BAIAP2L1: variants seen among roughly 807,000 people sequenced by gnomAD.
BAIAP2L1 encodes BAR/IMD domain containing adaptor protein 2 like 1.
A neutral mutation model predicts 66.3 loss-of-function variants in BAIAP2L1; 35 were observed. That is an observed-to-expected ratio of 0.53 (90% CI 0.40 to 0.70). BAIAP2L1 has a LOEUF of 0.70. BAIAP2L1 is among the 30% of genes least tolerant of loss of function. The probability of loss-of-function intolerance (pLI) is 0.00; values close to 1 mark genes in which losing one functional copy is unlikely to be tolerated. For missense variants in BAIAP2L1, 622 were observed against 656.9 expected, an observed-to-expected ratio of 0.95 and a Z score of 0.58; for synonymous variants, 269 against 248.7, an observed-to-expected ratio of 1.08 and a Z score of -0.77.
At chr7:98,313,871 C>A (rs1473974049) in intron 7 of BAIAP2L1, among the ~76,000 whole-genome samples, 1 of 151,032 alleles carries the variant, frequency 6.6e-6, no homozygotes, top group African/African-American at 2.4e-5. Flanking sequence ...CTCAAGTGAT[C>A]CTCCTGCCTT....
rs201588264 is a variant in BAIAP2L1 at position 98,315,621 on chromosome 7, A to ATAAT, written c.487-10_487-9insATTA. ...GTAACGGTCTCCACATACTAAAAAA[A>ATAAT]AAAAAATAATAATAATAATAATTAT... On this transcript the variant is annotated splice_polypyrimidine_tract_variant and intron_variant, in intron 6 of 13. Transcript: ENST00000005260. 1 of 1,235,866 alleles carries ATAAT rather than the reference A, an allele frequency of 8.1e-7. No individual in the cohort carries two copies. The highest frequency in any genetic ancestry group is 1.1e-6 in the Non-Finnish European group (1 of 945,916). The allele number at this position is 1,235,866 out of a possible 1,614,324, so 76.6% of individuals were successfully genotyped here.
At chr7:98,293,848 G>A (rs1394341690) in intron 13 of BAIAP2L1, among the ~76,000 whole-genome samples, 2 of 152,220 alleles carry the variant, frequency 1.3e-5, no homozygotes, top group Non-Finnish European at 2.9e-5. Context: ...CTTTAGTCCT[G>A]CATTGTGTGT....
At chr7:98,318,699 C>T (rs1801153707) in intron 5 of BAIAP2L1, among the ~76,000 whole-genome samples, 2 of 151,298 alleles carry the variant, frequency 1.3e-5, no homozygotes, top group South Asian at 4.3e-4. Flanking sequence ...AATCCCAGCA[C>T]TTTAGGAGGC....
Position 98,400,824 on chromosome 7 carries a change from C to T in BAIAP2L1, c.29G>A (p.Arg10Gln). ...TACCCGGTAGGTGCTCTCCGTGAGCCGGTTCACCTCCTCGGGCCCCCGGGA... is the reference window on the plus strand; with the variant it reads ...TACCCGGTAGGTGCTCTCCGTGAGCTGGTTCACCTCCTCGGGCCCCCGGGA... MSRGPEEVN[R>Q]LTESTYRNVM... The change falls in exon 1 of 14, where the codon CGG (arginine) becomes CAG (glutamine). Residue 10 changes from arginine to glutamine, a missense_variant. Physicochemically the swap from Arg to Gln is conservative, Grantham distance 43. Coordinates refer to ENST00000005260, the MANE Select transcript of BAIAP2L1 (RefSeq NM_018842.5). 1.3e-6 allele frequency: 2 copies of T among 1,547,426 alleles called. No individual in the cohort carries two copies. The highest frequency in any genetic ancestry group is 1.7e-6 in the Non-Finnish European group (2 of 1,145,478).
At chr7:98,312,764 G>A (rs998886008) in intron 7 of BAIAP2L1, among the ~76,000 whole-genome samples, 1 of 152,202 alleles carries the variant, frequency 6.6e-6, no homozygotes, top group Admixed American at 6.5e-5. Flanking sequence ...GGGACTGGGT[G>A]AGTGGTGGGC....
At chr7:98,350,112 G>C (rs1414528091) in intron 3 of BAIAP2L1, among the ~76,000 whole-genome samples, 1 of 149,684 alleles carries the variant, frequency 6.7e-6, no homozygotes, top group East Asian at 1.9e-4. Flanking sequence ...CCTCAAAAAG[G>C]GGGGAAAAAA....
intron 5 of BAIAP2L1, among the ~76,000 whole-genome samples, chr7:98,319,159 G>GTGGTGT (rs776695236): frequency 7.9e-5 from 12 of 152,132 alleles, no homozygotes; most frequent in Non-Finnish European, 1.8e-4. Context: ...ACTGCCACAT[G>GTGGTGT]GGGGTCTGGG....
intron 5 of BAIAP2L1, 26 bp from the exon 6 acceptor site, chr7:98,317,382 T>C: frequency 6.2e-7 from 1 of 1,610,938 alleles, no homozygotes; most frequent in Non-Finnish European, 8.5e-7. Context: ...CTGTGCTTAT[T>C]TTACTGTGGC....
intron 9 of BAIAP2L1, chr7:98,308,877 C>T (rs1302112341): frequency 6.5e-6 from 1 of 152,858 alleles, no homozygotes; most frequent in Non-Finnish European, 1.5e-5. Context: ...CAGTGTCTCG[C>T]TATGTTGCCC....
At chr7:98,357,041 ATATATATATT>A (rs1403532336) in intron 2 of BAIAP2L1, among the ~76,000 whole-genome samples, 1 of 17,616 alleles carries the variant, frequency 5.7e-5, no homozygotes, top group African/African-American at 2.1e-4. Flanking sequence ...ATATATATAT[ATATATATATT>A]TTTTTTTTTT....
At chr7:98,392,009 ATG>A (rs1412216192) in intron 1 of BAIAP2L1, among the ~76,000 whole-genome samples, 1 of 151,872 alleles carries the variant, frequency 6.6e-6, no homozygotes, top group Non-Finnish European at 1.5e-5. Flanking sequence ...CATCCCTTCT[ATG>A]TGTTATTAAA....
At chr7:98,377,502 A>C (rs1802660905) in intron 1 of BAIAP2L1, among the ~76,000 whole-genome samples, 1 of 152,162 alleles carries the variant, frequency 6.6e-6, no homozygotes, top group African/African-American at 2.4e-5. Flanking sequence ...TTTGATAGGC[A>C]AACAATAGTA....
intron 3 of BAIAP2L1, among the ~76,000 whole-genome samples, chr7:98,339,662 C>T (rs367954590): frequency 3.9e-5 from 6 of 152,198 alleles, no homozygotes; most frequent in East Asian, 1.9e-4. Context: ...CAGCCTGTCA[C>T]GGGAGCTACG....
At chr7:98,353,194 T>A (rs1481839411) in intron 3 of BAIAP2L1, among the ~76,000 whole-genome samples, 1 of 151,158 alleles carries the variant, frequency 6.6e-6, no homozygotes, top group Non-Finnish European at 1.5e-5. Flanking sequence ...TGTAACTGAG[T>A]CTATTAAATA....
intron 1 of BAIAP2L1, among the ~76,000 whole-genome samples, chr7:98,362,671 G>A (rs751205960): frequency 6.6e-6 from 1 of 152,160 alleles, no homozygotes; most frequent in Non-Finnish European, 1.5e-5. Flanking sequence ...AGGCTGCCTG[G>A]AATCTGCTAT....
intron 6 of BAIAP2L1, 120 bp downstream of exon 6, chr7:98,317,099 T>C (rs1211479299): frequency 7.9e-7 from 1 of 1,268,748 alleles, no homozygotes; most frequent in African/African-American, 1.5e-5. Context: ...ATGATCCTAC[T>C]GCCTCGGCCT....
intron 5 of BAIAP2L1, among the ~76,000 whole-genome samples, chr7:98,318,763 T>C (rs972620389): frequency 4.0e-5 from 6 of 150,958 alleles, no homozygotes; most frequent in African/African-American, 1.5e-4. Context: ...GCTAAAATGG[T>C]GAAACCCCGT....
At chr7:98,345,590 T>TG (rs1038944358) in intron 3 of BAIAP2L1, among the ~76,000 whole-genome samples, 32 of 151,476 alleles carry the variant, frequency 2.1e-4, no homozygotes, top group Middle Eastern at 3.4e-3. Flanking sequence ...CTGGGTGTGG[T>TG]GGGGGGGTAC....
chr7:98,349,843 G>T (rs2115670875), intron 3 of BAIAP2L1, among the ~76,000 whole-genome samples: 1 of 152,184 alleles, frequency 6.6e-6, no homozygotes, highest in Non-Finnish European at 1.5e-5. Context: ...GATCACCTGA[G>T]GTTGGGAGTT....
Sources: gnomAD v4.1 joint callset for allele counts (sites outside exome capture counted in the v4.1 genomes callset) on GRCh38, gnomAD v4.1.1 for gene constraint, MANE v1.5 for transcripts, NCBI Gene and HGNC (gene_info 2026-07-23, HGNC 2026-07-21) for gene names.